The following AAK1 variants were observed in gnomAD, a reference collection of about 807,000 sequenced individuals.
AAK1 encodes the protein AP2-associated protein kinase 1.
Under a neutral mutation model 116.0 loss-of-function variants are expected in AAK1, and 37 were observed. The ratio of observed to expected loss-of-function variants is 0.32; its 90% CI spans 0.25 to 0.42. The LOEUF (loss-of-function observed/expected upper bound fraction) is 0.42. Ranked by LOEUF, AAK1 falls within the 10% of genes least tolerant of loss-of-function variation. AAK1 has a pLI of 1.00. For missense variants in AAK1, 919 were observed against 1,170.6 expected (o/e 0.79, Z 3.14); for synonymous variants, 458 against 439.9 (o/e 1.04, Z -0.51).
rs928626099 is a variant in AAK1 at position 69,463,816 on chromosome 2, TTTTA to T, written c.*12049_*12052del. The T allele has an allele frequency of 6.6e-6, 1 of 152,166 alleles. No homozygotes were observed. Among genetic ancestry groups the T allele is most frequent in the African/African-American group, 2.4e-5 (1 of 41,384 alleles). 9.4% of individuals were successfully genotyped at this position (152,166 alleles called of 1,614,324 possible). On this transcript the variant is annotated 3_prime_UTR_variant, in exon 22 of 22. Coordinates refer to ENST00000409085, the MANE Select transcript of AAK1 (RefSeq NM_014911.5). Reference sequence around the variant, plus strand: ...GTGAGCCACCATGCCCAGCCTATTTTTTTATTTATTTTTTGAAGGGACAGGGTCT... The same window carrying T: ...GTGAGCCACCATGCCCAGCCTATTTTTTTATTTTTTGAAGGGACAGGGTCT...
intron 2 of AAK1, among the ~76,000 whole-genome samples, chr2:69,631,909 G>C (rs1203131178): frequency 1.3e-5 from 2 of 152,170 alleles, no homozygotes; most frequent in African/African-American, 4.8e-5. Context: ...GAGCCCGGGA[G>C]GCGGAGGTTG....
intron 16 of AAK1, among the ~76,000 whole-genome samples, chr2:69,498,300 G>A (rs999384212): frequency 2.6e-5 from 4 of 152,186 alleles, no homozygotes; most frequent in African/African-American, 9.7e-5. Context: ...ATCACTGGCA[G>A]CATCTCTGTG....
rs551536268 is a variant in AAK1 at position 69,471,343 on chromosome 2, T to C, written c.*4526A>G. On this transcript the variant is annotated 3_prime_UTR_variant, in exon 22 of 22. Coordinates refer to ENST00000409085, the MANE Select transcript of AAK1 (RefSeq NM_014911.5). ...AAGAGGTTTCTTGTTATAGATTTCC[T>C]AGCACTCATTCTGATTTAAGAAATC... 13 of 985,460 alleles carry C rather than the reference T, an allele frequency of 1.3e-5. No homozygotes were observed. In the South Asian group the frequency reaches 5.2e-4, roughly 39 times the overall value. The allele number at this position is 985,460 out of a possible 1,614,324, so 61.0% of individuals were successfully genotyped here.
intron 2 of AAK1, among the ~76,000 whole-genome samples, chr2:69,621,524 C>A (rs907731800): frequency 6.6e-6 from 1 of 152,032 alleles, no homozygotes; most frequent in Non-Finnish European, 1.5e-5. Context: ...TGACAGACCT[C>A]AAATGAGATG....
At chr2:69,555,501 T>C (rs917873845) in intron 3 of AAK1, among the ~76,000 whole-genome samples, 1 of 152,222 alleles carries the variant, frequency 6.6e-6, no homozygotes, top group Non-Finnish European at 1.5e-5. Flanking sequence ...ATGGGATACC[T>C]ACAATGCCAC....
chr2:69,633,446 C>G (rs1675299146), intron 2 of AAK1, among the ~76,000 whole-genome samples: 1 of 150,790 alleles, frequency 6.6e-6, no homozygotes, highest in Admixed American at 6.6e-5. Flanking sequence ...ACTAAAAACA[C>G]AAAAATTAGC....
chr2:69,519,638 A>T (rs1183356585), intron 11 of AAK1, among the ~76,000 whole-genome samples: 1 of 152,218 alleles, frequency 6.6e-6, no homozygotes, highest in Non-Finnish European at 1.5e-5. Flanking sequence ...AGCTTATCCC[A>T]GTCTGGATGC....
Position 69,530,612 on chromosome 2 carries a change from A to C in AAK1, c.738+13T>G. 1.2e-6 allele frequency: 2 copies of C among 1,607,866 alleles called. No homozygotes were observed. Among genetic ancestry groups the C allele is most frequent in the Non-Finnish European group, 1.7e-6 (2 of 1,174,442 alleles). On this transcript the variant is annotated intron_variant, in intron 7 of 21. Transcript: ENST00000409085. ...CTGCTATCTGAGGTATGGATAGGTT[A>C]CCTGACACCTACCCAAATGTCTGCC... is the stretch of plus-strand genomic sequence containing the variant.
chr2:69,499,109 C>A (rs1208920728), intron 16 of AAK1, among the ~76,000 whole-genome samples: 2 of 152,174 alleles, frequency 1.3e-5, no homozygotes, highest in African/African-American at 4.8e-5. Context: ...GCACACTGAA[C>A]TCTCAGGACT....
chr2:69,527,973 T>C (rs1558937040), intron 8 of AAK1, among the ~76,000 whole-genome samples: 1 of 152,122 alleles, frequency 6.6e-6, no homozygotes, highest in Non-Finnish European at 1.5e-5. Flanking sequence ...ACTGCTTAAA[T>C]AATAAAGTGA....
At chr2:69,628,817 C>A (rs1452253198) in intron 2 of AAK1, among the ~76,000 whole-genome samples, 1 of 152,096 alleles carries the variant, frequency 6.6e-6, no homozygotes, top group Non-Finnish European at 1.5e-5. Context: ...TTCAAAAATG[C>A]TGTGGAGCTC....
At chr2:69,535,459 C>T (rs1487935499) in intron 5 of AAK1, among the ~76,000 whole-genome samples, 2 of 152,136 alleles carry the variant, frequency 1.3e-5, no homozygotes, top group Non-Finnish European at 2.9e-5. Flanking sequence ...AAGGTCTATC[C>T]TCTCACAGAG....
At position 69,623,701 on chromosome 2, in the gene AAK1, T is replaced by A. The variant is rs200299478; in HGVS notation, c.163+19177A>T. On this transcript the variant is annotated intron_variant, in intron 2 of 21. Transcript: ENST00000409085. ...CCACAACTCTGAATGGCTCTGATACTACTCAAAGATAAACTTCAGACTCTC... is the reference window on the plus strand; with the variant it reads ...CCACAACTCTGAATGGCTCTGATACAACTCAAAGATAAACTTCAGACTCTC... Among the ~76,000 whole-genome samples the A allele has an allele frequency of 1.9e-4, 29 of 152,310 alleles. No homozygotes were observed. In the East Asian group the frequency reaches 5.6e-3, roughly 29 times the overall value.
chr2:69,467,660 C>G lies in AAK1; in HGVS notation c.*8209G>C. 1 of 985,398 alleles carries G rather than the reference C, an allele frequency of 1.0e-6. No individual in the cohort carries two copies. The highest frequency in any genetic ancestry group is 4.7e-5 in the South Asian group (1 of 21,284). The allele number at this position is 985,398 out of a possible 1,614,324, so 61.0% of individuals were successfully genotyped here. ...CCAGAACCTCTGTAGAGATGGAACT[C>G]AATGATCCCCTTCCCATACTGACCC... On this transcript the variant is annotated 3_prime_UTR_variant, in exon 22 of 22. Coordinates refer to ENST00000409085, the MANE Select transcript of AAK1 (RefSeq NM_014911.5).
At chr2:69,559,251 C>T (rs1671524798) in intron 2 of AAK1, among the ~76,000 whole-genome samples, 1 of 120,208 alleles carries the variant, frequency 8.3e-6, no homozygotes, top group Admixed American at 7.9e-5. Flanking sequence ...TCTTATCTAT[C>T]TCTCTCTCTC....
intron 2 of AAK1, among the ~76,000 whole-genome samples, chr2:69,602,450 A>T (rs1194235336): frequency 6.6e-6 from 1 of 152,172 alleles, no homozygotes; most frequent in African/African-American, 2.4e-5. Flanking sequence ...GGGATATTAT[A>T]TATTATGTGG....
intron 2 of AAK1, among the ~76,000 whole-genome samples, chr2:69,607,576 A>C (rs1673865411): frequency 1.3e-5 from 2 of 152,348 alleles, no homozygotes; most frequent in Admixed American, 1.3e-4. Flanking sequence ...ACCAGGATAC[A>C]AAATCTATTA....
Position 69,470,742 on chromosome 2 carries a change from C to T in AAK1, c.*5127G>A. The T allele has an allele frequency of 1.0e-6, 1 of 985,650 alleles. No individual in the cohort carries two copies. 61.1% of individuals were successfully genotyped at this position (985,650 alleles called of 1,614,324 possible). Reference sequence around the variant, plus strand: ...CCTTGAGACTAAAACAGGGGTTTTACTCTCTCAGGTAGCCATGATTCATTA... The same window carrying T: ...CCTTGAGACTAAAACAGGGGTTTTATTCTCTCAGGTAGCCATGATTCATTA... On this transcript the variant is annotated 3_prime_UTR_variant, in exon 22 of 22. Transcript: ENST00000409085.
intron 3 of AAK1, among the ~76,000 whole-genome samples, chr2:69,545,990 G>T (rs565470566): frequency 6.6e-6 from 1 of 152,172 alleles, no homozygotes; most frequent in African/African-American, 2.4e-5. Context: ...GGAGCCAAGA[G>T]AAGAGAGCTT....
Sources: allele counts gnomAD v4.1 joint callset (sites outside exome capture counted in the v4.1 genomes callset), GRCh38; gene constraint gnomAD v4.1.1; transcripts MANE v1.5; gene names NCBI Gene and HGNC (gene_info 2026-07-23, HGNC 2026-07-21).